The following G3BP2 variants were observed in gnomAD, a reference collection of about 807,000 sequenced individuals.
G3BP2 encodes G3BP stress granule assembly factor 2, also known as ras GTPase-activating protein-binding protein 2.
G3BP2 carries 11 observed loss-of-function variants against 56.7 expected under a neutral mutation model. The ratio of observed to expected loss-of-function variants is 0.19; its 90% CI spans 0.12 to 0.32. The LOEUF (loss-of-function observed/expected upper bound fraction) is 0.32, where lower values mean the gene tolerates loss of function less well. Among genes scored for constraint, G3BP2 ranks in the 10% least tolerant of loss-of-function variants. The probability of loss-of-function intolerance (pLI) is 1.00; values close to 1 mark genes in which losing one functional copy is unlikely to be tolerated. For missense variants in G3BP2, 340 were observed against 610.9 expected, an observed-to-expected ratio of 0.56 and a Z score of 4.67; for synonymous variants, 165 against 191.6, an observed-to-expected ratio of 0.86 and a Z score of 1.15.
intron 7 of G3BP2, chr4:75,654,825 A>G (rs1240506340): frequency 1.7e-5 from 8 of 463,168 alleles, no homozygotes; most frequent in Non-Finnish European, 1.5e-5. Context: ...CATATAAGTT[A>G]CTAAACAATG....
exon 2 of G3BP2, among the ~76,000 whole-genome samples, chr4:75,722,241 G>A (rs1720204972): frequency 6.6e-6 from 1 of 152,134 alleles, no homozygotes; most frequent in African/African-American, 2.4e-5. Flanking sequence ...CTGTGCAGGG[G>A]ATGCTGCTGG....
chr4:75,655,741 A>T, intron 6 of G3BP2, 27 bp downstream of exon 6: 2 of 1,256,846 alleles, frequency 1.6e-6, no homozygotes, highest in Non-Finnish European at 2.3e-6. Flanking sequence ...TTCAGACCAA[A>T]TTTAACCTTG....
chr4:75,666,824 TA>T (rs1321012868), intron 1 of G3BP2, among the ~76,000 whole-genome samples: 1 of 152,240 alleles, frequency 6.6e-6, no homozygotes, highest in African/African-American at 2.4e-5. Flanking sequence ...TTCCATTTCT[TA>T]AAAAAAGTTA....
At chr4:75,657,860 G>A (rs759341122) in intron 3 of G3BP2, 130 bp from the exon 4 acceptor site, 39 of 598,896 alleles carry the variant, frequency 6.5e-5, no homozygotes, top group Non-Finnish European at 1.0e-4. Context: ...TGAATCCAAC[G>A]ACCATGCTGT....
chr4:75,676,798 G>A (rs1733892892), upstream of G3BP2, among the ~76,000 whole-genome samples: 1 of 152,084 alleles, frequency 6.6e-6, no homozygotes. Context: ...AGTTATAATT[G>A]AGATGGTCCC....
intron 3 of G3BP2, among the ~76,000 whole-genome samples, chr4:75,716,157 T>C (rs1183610875): frequency 6.6e-6 from 1 of 152,154 alleles, no homozygotes; most frequent in African/African-American, 2.4e-5. Context: ...AAGGGCAAGT[T>C]GGAGCTTTTC....
chr4:75,678,219 G>A (rs56197748), upstream of G3BP2, among the ~76,000 whole-genome samples: 31 of 152,222 alleles, frequency 2.0e-4, no homozygotes, highest in African/African-American at 4.8e-4. Flanking sequence ...GCAATGGTGC[G>A]ATCATAGCTC....
chr4:75,718,891 A>G (rs1720032632), intron 3 of G3BP2, among the ~76,000 whole-genome samples: 2 of 152,162 alleles, frequency 1.3e-5, no homozygotes, highest in Admixed American at 1.3e-4. Context: ...AAAAAAACAA[A>G]AACAGTTAAG....
At chr4:75,719,025 G>T (rs2149120533) in intron 3 of G3BP2, among the ~76,000 whole-genome samples, 1 of 152,312 alleles carries the variant, frequency 6.6e-6, no homozygotes, top group South Asian at 2.1e-4. Context: ...TGGAGTTGAA[G>T]ACTTACAGGG....
chr4:75,679,592 T>C (rs191823597), intron 3 of G3BP2, among the ~76,000 whole-genome samples: 8 of 152,300 alleles, frequency 5.3e-5, no homozygotes, highest in Admixed American at 1.3e-4. Context: ...ATGTAACTTG[T>C]TTTGATCATA....
At position 75,709,453 on chromosome 4, in the gene G3BP2, A is replaced by G. The variant is rs1190792522; in HGVS notation, c.-25+11424T>C. Among the ~76,000 whole-genome samples, 4 of 149,170 alleles carry G rather than the reference A, an allele frequency of 2.7e-5. No individual in the cohort carries two copies. In the South Asian group the frequency reaches 6.4e-4, roughly 24 times the overall value. ...AAAAAAAAAAAAAAACCTACTACGA[A>G]AAAAACCGACCAGCCAGGTGTAGTA... is the stretch of plus-strand genomic sequence containing the variant. On this transcript the variant is annotated intron_variant, in intron 3 of 3. Coordinates refer to the G3BP2 transcript ENST00000499709.
At position 75,682,425 on chromosome 4, in the gene G3BP2, A is replaced by G. The variant is rs1734117327; in HGVS notation, c.-24-20376T>C. Among the ~76,000 whole-genome samples, 3 of 152,182 alleles carry G rather than the reference A, an allele frequency of 2.0e-5. No homozygotes were observed. The South Asian group carries it at 6.2e-4, about 32-fold the overall frequency. On this transcript the variant is annotated intron_variant, in intron 3 of 3. Coordinates refer to the G3BP2 transcript ENST00000499709. ...GCGAGACTCCGTCTCAAAAAAAAAAAAAAAAAAAATTATGAACTTTATTTC... is the reference window on the plus strand; with the variant it reads ...GCGAGACTCCGTCTCAAAAAAAAAAGAAAAAAAAATTATGAACTTTATTTC...
At chr4:75,650,502 G>GA (rs1731608492) in intron 8 of G3BP2, among the ~76,000 whole-genome samples, 1 of 150,242 alleles carries the variant, frequency 6.7e-6, no homozygotes, top group South Asian at 2.1e-4. Context: ...TAACCAAAAG[G>GA]AATATTAACT....
upstream of G3BP2, among the ~76,000 whole-genome samples, chr4:75,675,784 A>G (rs1733853505): frequency 6.6e-6 from 1 of 151,784 alleles, no homozygotes; most frequent in Non-Finnish European, 1.5e-5. Flanking sequence ...AACAGTGAAA[A>G]CTCCGTCTCA....
At chr4:75,682,324 GAAA>G (rs1239845452) in intron 3 of G3BP2, among the ~76,000 whole-genome samples, 1 of 150,712 alleles carries the variant, frequency 6.6e-6, no homozygotes, top group African/African-American at 2.4e-5. Context: ...GCTGAGGCAG[GAAA>G]ATCCCTTGAA....
intron 5 of G3BP2, among the ~76,000 whole-genome samples, chr4:75,656,721 T>C (rs558889171): frequency 8.8e-4 from 134 of 152,342 alleles, no homozygotes; most frequent in Non-Finnish European, 1.5e-3. Flanking sequence ...GGAACCTTTT[T>C]CCTTGACATC....
At chr4:75,702,132 C>T (rs1177075659) in intron 3 of G3BP2, among the ~76,000 whole-genome samples, 2 of 151,264 alleles carry the variant, frequency 1.3e-5, no homozygotes, top group Non-Finnish European at 2.9e-5. Context: ...CCTATAAGTG[C>T]CGTTCCCCCC....
At chr4:75,650,894 A>G (rs1731649255) in intron 8 of G3BP2, among the ~76,000 whole-genome samples, 1 of 152,190 alleles carries the variant, frequency 6.6e-6, no homozygotes, top group Non-Finnish European at 1.5e-5. Flanking sequence ...TACATCACCC[A>G]AAGAACCAAG....
upstream of G3BP2, among the ~76,000 whole-genome samples, chr4:75,677,050 G>C (rs1733901704): frequency 6.6e-6 from 1 of 152,018 alleles, no homozygotes; most frequent in Admixed American, 6.6e-5. Context: ...CCATTAGCAG[G>C]TAAATTTTTA....
Sources: allele counts gnomAD v4.1 joint callset (sites outside exome capture counted in the v4.1 genomes callset), GRCh38; gene constraint gnomAD v4.1.1; transcripts MANE v1.5; gene names NCBI Gene and HGNC (gene_info 2026-07-23, HGNC 2026-07-21).